CATSPERB: variants seen among roughly 807,000 people sequenced by gnomAD.
CATSPERB encodes the protein catsper channel auxiliary subunit beta.
Under a neutral mutation model 128.3 loss-of-function variants are expected in CATSPERB, and 93 were observed. The observed-to-expected ratio is 0.72, with a 90% confidence interval of 0.61 to 0.86. The LOEUF (loss-of-function observed/expected upper bound fraction) is 0.86, where lower values mean the gene tolerates loss of function less well. Ranked by LOEUF, CATSPERB falls within the 40% of genes least tolerant of loss-of-function variation. The probability of loss-of-function intolerance (pLI) is 0.00; values close to 1 mark genes in which losing one functional copy is unlikely to be tolerated. For missense variants in CATSPERB, 1,153 were observed against 1,329.5 expected (o/e 0.87, Z 2.06); for synonymous variants, 381 against 448.8 (o/e 0.85, Z 1.91).
At chr14:91,687,464 G>A (rs8019278) in intron 10 of CATSPERB, among the ~76,000 whole-genome samples, 4,617 of 152,198 alleles carry the variant, frequency 0.03, 261 homozygotes, top group African/African-American at 0.11. Context: ...CCTCTGCCAC[G>A]TGAGGGCACA....
rs1896060686 is a variant in CATSPERB, at chr14:91,723,079, A to G, written c.279T>C (p.Tyr93=). 4 of 1,531,168 alleles carry G rather than the reference A, an allele frequency of 2.6e-6. No individual in the cohort carries two copies. The highest frequency in any genetic ancestry group is 1.4e-5 in the African/African-American group (1 of 71,778). The allele number at this position is 1,531,168 out of a possible 1,614,324, so 94.8% of individuals were successfully genotyped here. The change falls in exon 4 of 27, where the codon TAT becomes TAC. Residue 93 remains tyrosine, a synonymous_variant. Transcript: ENST00000256343. ...TTAAATTAAAGTGGAAGATGCCATTATATGTACTATTCATGATTCCCAAGC... is the reference window on the plus strand; with the variant it reads ...TTAAATTAAAGTGGAAGATGCCATTGTATGTACTATTCATGATTCCCAAGC... ...APSLGIMNST[Y]NGIFHFNLTL...
At chr14:91,633,692 C>T (rs1301153100) in intron 17 of CATSPERB, among the ~76,000 whole-genome samples, 1 of 152,002 alleles carries the variant, frequency 6.6e-6, no homozygotes, top group East Asian at 1.9e-4. Context: ...GGAAAAAATT[C>T]TATAGATAAG....
At chr14:91,690,968 C>T (rs919141740) in intron 10 of CATSPERB, among the ~76,000 whole-genome samples, 1 of 152,198 alleles carries the variant, frequency 6.6e-6, no homozygotes, top group Non-Finnish European at 1.5e-5. Context: ...ATGGGAATGA[C>T]CTAGTTCATT....
intron 5 of CATSPERB, among the ~76,000 whole-genome samples, chr14:91,716,015 C>T (rs1895931370): frequency 6.6e-6 from 1 of 152,074 alleles, no homozygotes; most frequent in Non-Finnish European, 1.5e-5. Context: ...TGAACTTAGG[C>T]AAAGATTTCT....
intron 15 of CATSPERB, among the ~76,000 whole-genome samples, chr14:91,640,376 C>T (rs1200387018): frequency 1.8e-5 from 2 of 110,668 alleles, no homozygotes; most frequent in Non-Finnish European, 3.7e-5. Flanking sequence ...GTATATCTCC[C>T]AATGCTATCC....
Position 91,699,066 on chromosome 14 carries a change from T to C in CATSPERB, c.616+5486A>G, listed in dbSNP as rs575410391. Among the ~76,000 whole-genome samples, 5 of 152,356 alleles carry C rather than the reference T, an allele frequency of 3.3e-5. No individual in the cohort carries two copies. In the South Asian group the frequency reaches 1.0e-3, roughly 32 times the overall value. On this transcript the variant is annotated intron_variant, in intron 7 of 26. Transcript: ENST00000256343. ...CTTTTTATGGCTTAGTAGTATTCCA[T>C]GGTATATGTATGCCACACTTTCTTT... is the stretch of plus-strand genomic sequence containing the variant.
chr14:91,713,503 C>T (rs570310439), intron 5 of CATSPERB, among the ~76,000 whole-genome samples: 98 of 152,254 alleles, frequency 6.4e-4, no homozygotes, highest in African/African-American at 2.3e-3. Flanking sequence ...ACTACAGACA[C>T]TATAGATATT....
At chr14:91,672,317 GCT>G (rs1275806017) in intron 13 of CATSPERB, among the ~76,000 whole-genome samples, 2 of 152,064 alleles carry the variant, frequency 1.3e-5, no homozygotes, top group African/African-American at 4.8e-5. Context: ...ACTGGATTTT[GCT>G]CTGTCACCTC....
At chr14:91,603,099 T>A in intron 22 of CATSPERB, 1 of 787,060 alleles carries the variant, frequency 1.3e-6, no homozygotes, top group Non-Finnish European at 2.4e-6. Context: ...TTTCTTGGCA[T>A]CATCTCTCTT....
chr14:91,671,844 C>A (rs1196791391), intron 13 of CATSPERB, among the ~76,000 whole-genome samples: 3 of 151,872 alleles, frequency 2.0e-5, no homozygotes, highest in Non-Finnish European at 4.4e-5. Flanking sequence ...ACGGTGAAAC[C>A]CTGCCTCTAC....
chr14:91,713,398 A>T (rs907439410), intron 5 of CATSPERB, among the ~76,000 whole-genome samples: 1 of 152,186 alleles, frequency 6.6e-6, no homozygotes, highest in African/African-American at 2.4e-5. Context: ...AAATCAAAAG[A>T]TGTCTCTTTG....
At position 91,632,816 on chromosome 14, in the gene CATSPERB, AAC is replaced by A. The variant is rs112899550; in HGVS notation, c.1742+3607_1742+3608del. ...CACTGATTGAGTTAAAGTCACTTAA[AAC>A]ACACACACACACACACATACACACC... On this transcript the variant is annotated intron_variant, in intron 17 of 26. Coordinates refer to ENST00000256343, the MANE Select transcript of CATSPERB (RefSeq NM_024764.4). 1.4e-3 allele frequency among the ~76,000 whole-genome samples: 205 copies of A among 150,148 alleles called. 1 individual carries two copies. The highest frequency in any genetic ancestry group is 4.8e-3 in the African/African-American group (195 of 40,982).
intron 7 of CATSPERB, among the ~76,000 whole-genome samples, chr14:91,694,628 A>G (rs1895529726): frequency 6.6e-6 from 1 of 152,136 alleles, no homozygotes; most frequent in South Asian, 2.1e-4. Flanking sequence ...TCCAAAGAAG[A>G]AAATTAAAAT....
At chr14:91,664,517 C>T (rs554557019) in intron 14 of CATSPERB, among the ~76,000 whole-genome samples, 8 of 152,150 alleles carry the variant, frequency 5.3e-5, no homozygotes, top group East Asian at 3.9e-4. Context: ...CCACCCGCCT[C>T]GGCCTCCCAA....
At chr14:91,598,571 T>G (rs906718579) in intron 22 of CATSPERB, among the ~76,000 whole-genome samples, 1 of 152,100 alleles carries the variant, frequency 6.6e-6, no homozygotes, top group Non-Finnish European at 1.5e-5. Flanking sequence ...CAGAAAAGAT[T>G]TGACTGGCCG....
In CATSPERB at chr14:91,621,642, A is replaced by G. The variant is rs111937577; in HGVS notation, c.2226T>C (p.Tyr742=). The change falls in exon 19 of 27, where the codon TAT becomes TAC. Residue 742 remains tyrosine (Y), a synonymous_variant. Coordinates refer to ENST00000256343, the MANE Select transcript of CATSPERB (RefSeq NM_024764.4). ...IVKYIDLGNS[Y]VLKAKVIRNA... ...TCCGTATGACCTTAGCTTTTAAAAC[A>G]TAAGAGTTTCCCAGATCAATGTATT... 3.9e-5 allele frequency: 62 copies of G among 1,609,900 alleles called. No homozygotes were observed. The African/African-American group carries it at 6.4e-4, about 17-fold the overall frequency.
intron 14 of CATSPERB, among the ~76,000 whole-genome samples, chr14:91,669,252 T>C (rs1361335278): frequency 2.0e-5 from 3 of 152,230 alleles, no homozygotes; most frequent in East Asian, 3.8e-4. Context: ...AGTACTTTCT[T>C]AGTTCCAAAG....
chr14:91,669,867 C>A lies in CATSPERB; in HGVS notation c.1234G>T (p.Val412Phe), dbSNP rs150697114. Residue 412 changes from valine (V) to phenylalanine (F), a missense_variant, in exon 14 of 27, where the codon GTT becomes TTT. By Grantham distance (50) the Val-to-Phe change is conservative. Transcript: ENST00000256343. Reference sequence around the variant, plus strand: ...CTTCGGGGATGAAATACCATTCCAACGGGAGAAGAGAATGATGAAGGAAAC... The same window carrying A: ...CTTCGGGGATGAAATACCATTCCAAAGGGAGAAGAGAATGATGAAGGAAAC... ...FRFPSSFSSP[V>F]GMVFHPRSHF... is the part of the protein sequence containing the mutation. The A allele has an allele frequency of 6.2e-7, 1 of 1,613,384 alleles. No homozygotes were observed. Among genetic ancestry groups the A allele is most frequent in the African/African-American group, 1.3e-5 (1 of 74,832 alleles).
At chr14:91,684,950 G>A (rs1334126057) in intron 10 of CATSPERB, among the ~76,000 whole-genome samples, 1 of 151,792 alleles carries the variant, frequency 6.6e-6, no homozygotes, top group African/African-American at 2.4e-5. Context: ...GATTGATATG[G>A]GGTCCTGGCT....
Sources: allele counts gnomAD v4.1 joint callset (sites outside exome capture counted in the v4.1 genomes callset), GRCh38; gene constraint gnomAD v4.1.1; transcripts MANE v1.5; gene names NCBI Gene and HGNC (gene_info 2026-07-23, HGNC 2026-07-21).